The following MYRIP variants were observed in gnomAD, a reference collection of about 807,000 sequenced individuals.
MYRIP encodes myosin VIIA and Rab interacting protein, also known as rab effector MyRIP.
Under a neutral mutation model 98.0 loss-of-function variants are expected in MYRIP, and 49 were observed. The ratio of observed to expected loss-of-function variants is 0.50; its 90% CI spans 0.40 to 0.63. The LOEUF (loss-of-function observed/expected upper bound fraction) is 0.63, where lower values mean the gene tolerates loss of function less well. Among genes scored for constraint, MYRIP ranks in the 30% least tolerant of loss-of-function variants. MYRIP has a pLI of 0.00. For missense variants in MYRIP, 1,004 were observed against 1,058.2 expected, an observed-to-expected ratio of 0.95 and a Z score of 0.71; for synonymous variants, 404 against 409.5, an observed-to-expected ratio of 0.99 and a Z score of 0.16.
At chr3:39,995,961 C>A (rs536695856) in intron 2 of MYRIP, among the ~76,000 whole-genome samples, 85 of 152,282 alleles carry the variant, frequency 5.6e-4, no homozygotes, top group African/African-American at 1.9e-3. Flanking sequence ...GAAATAAAAT[C>A]CTTTACAGAC....
chr3:39,839,488 C>T (rs1240871995), intron 1 of MYRIP, among the ~76,000 whole-genome samples: 1 of 152,152 alleles, frequency 6.6e-6, no homozygotes, highest in African/African-American at 2.4e-5. Flanking sequence ...AAACTCCTGA[C>T]CTCACGTGAT....
At chr3:40,199,612 C>T (rs1267732741) in intron 10 of MYRIP, among the ~76,000 whole-genome samples, 1 of 152,198 alleles carries the variant, frequency 6.6e-6, no homozygotes, top group Non-Finnish European at 1.5e-5. Flanking sequence ...ACAATATCCC[C>T]AGGCAAGGCC....
chr3:39,828,829 G>A (rs1319829838), intron 1 of MYRIP, among the ~76,000 whole-genome samples: 2 of 152,168 alleles, frequency 1.3e-5, no homozygotes, highest in African/African-American at 4.8e-5. Flanking sequence ...TTATGGCTGA[G>A]TAGTATTCCA....
At chr3:40,079,186 G>A (rs1345989182) in intron 3 of MYRIP, among the ~76,000 whole-genome samples, 35 of 152,190 alleles carry the variant, frequency 2.3e-4, no homozygotes, top group Admixed American at 2.3e-3. Context: ...AAGATCACAC[G>A]ATTTACCATT....
At chr3:39,854,693 C>A (rs1942234836) in intron 1 of MYRIP, among the ~76,000 whole-genome samples, 1 of 152,104 alleles carries the variant, frequency 6.6e-6, no homozygotes, top group Non-Finnish European at 1.5e-5. Flanking sequence ...CTGGTGTGAT[C>A]TTTTGGGGTG....
intron 2 of MYRIP, among the ~76,000 whole-genome samples, chr3:39,951,121 C>T (rs779307910): frequency 2.0e-5 from 3 of 152,198 alleles, no homozygotes; most frequent in Non-Finnish European, 4.4e-5. Context: ...CTAATTACAT[C>T]TGCCAGTGGT....
chr3:39,817,874 A>G (rs889963074), intron 1 of MYRIP, among the ~76,000 whole-genome samples: 3 of 152,094 alleles, frequency 2.0e-5, no homozygotes, highest in Non-Finnish European at 4.4e-5. Context: ...TTTATTTCCC[A>G]TTATTTACTG....
chr3:40,114,095 A>G (rs967844861), intron 3 of MYRIP, among the ~76,000 whole-genome samples: 2 of 152,224 alleles, frequency 1.3e-5, no homozygotes, highest in Non-Finnish European at 2.9e-5. Context: ...ACCATAAAAC[A>G]TAATTTTCTG....
rs2125737059 is a variant in MYRIP, at chr3:40,259,794, T to TCAAAG, written c.*1633_*1637dup. ...TGGCTTTTTGTTCTGTTGGTGTGAT[T>TCAAAG]CAAAGCAAAACAAACAAACAAAAAC... is the stretch of plus-strand genomic sequence containing the variant. On this transcript the variant is annotated 3_prime_UTR_variant, in exon 17 of 17. Coordinates refer to ENST00000302541, the MANE Select transcript of MYRIP (RefSeq NM_015460.4). 1 of 152,740 alleles carries TCAAAG rather than the reference T, an allele frequency of 6.5e-6. No homozygotes were observed. Among genetic ancestry groups the TCAAAG allele is most frequent in the East Asian group, 1.9e-4 (1 of 5,192 alleles). The allele number at this position is 152,740 out of a possible 1,614,324, so 9.5% of individuals were successfully genotyped here.
chr3:40,002,931 T>C (rs1946551613), intron 2 of MYRIP, among the ~76,000 whole-genome samples: 1 of 151,992 alleles, frequency 6.6e-6, no homozygotes. Flanking sequence ...TAGACATATA[T>C]AGATATCTAT....
At chr3:39,923,494 C>T (rs1944349599) in intron 2 of MYRIP, among the ~76,000 whole-genome samples, 1 of 151,902 alleles carries the variant, frequency 6.6e-6, no homozygotes, top group African/African-American at 2.4e-5. Context: ...CAGGCGAGAA[C>T]AAAAAATAGC....
intron 2 of MYRIP, among the ~76,000 whole-genome samples, chr3:40,035,357 A>T (rs73827310): frequency 4.6e-5 from 7 of 152,020 alleles, no homozygotes; most frequent in African/African-American, 1.4e-4. Flanking sequence ...TGAGAAACAG[A>T]TGTGAAGCTG....
At chr3:40,170,672 A>G (rs1476648399) in intron 8 of MYRIP, among the ~76,000 whole-genome samples, 1 of 152,162 alleles carries the variant, frequency 6.6e-6, no homozygotes, top group Non-Finnish European at 1.5e-5. Context: ...TACTGGTTTG[A>G]GTAAGCCCAG....
chr3:40,086,947 A>G (rs2125878426), intron 3 of MYRIP, among the ~76,000 whole-genome samples: 1 of 152,150 alleles, frequency 6.6e-6, no homozygotes, highest in Admixed American at 6.5e-5. Flanking sequence ...GGAACAAGGG[A>G]AGCCAGCGCC....
chr3:40,123,332 G>C (rs1320250024), intron 3 of MYRIP, among the ~76,000 whole-genome samples: 1 of 152,226 alleles, frequency 6.6e-6, no homozygotes, highest in Non-Finnish European at 1.5e-5. Context: ...TTCGTTAAAA[G>C]TTATTTAAGA....
chr3:40,029,137 C>T (rs1279628174), intron 2 of MYRIP, among the ~76,000 whole-genome samples: 1 of 152,110 alleles, frequency 6.6e-6, no homozygotes, highest in Non-Finnish European at 1.5e-5. Flanking sequence ...ATAAGCCAGT[C>T]AATTTGAGGC....
At chr3:39,885,382 G>A (rs1167801662) in intron 1 of MYRIP, among the ~76,000 whole-genome samples, 2 of 152,022 alleles carry the variant, frequency 1.3e-5, no homozygotes, top group South Asian at 2.1e-4. Flanking sequence ...AGTCTGATGG[G>A]CTTCCCTTTG....
chr3:40,213,377 A>C (rs1419217496), intron 11 of MYRIP, among the ~76,000 whole-genome samples: 2 of 152,216 alleles, frequency 1.3e-5, no homozygotes, highest in Non-Finnish European at 2.9e-5. Flanking sequence ...TTAGAAAAAT[A>C]AGCTTCACTG....
intron 2 of MYRIP, among the ~76,000 whole-genome samples, chr3:40,034,328 C>G (rs1947328975): frequency 6.6e-6 from 1 of 152,086 alleles, no homozygotes. Flanking sequence ...ACTCATCTGA[C>G]AAAGGGCTAA....
Sources: allele counts gnomAD v4.1 joint callset (sites outside exome capture counted in the v4.1 genomes callset), GRCh38; gene constraint gnomAD v4.1.1; transcripts MANE v1.5; gene names NCBI Gene and HGNC (gene_info 2026-07-23, HGNC 2026-07-21).